The following C6orf118 variants were observed in gnomAD, a reference collection of about 807,000 sequenced individuals.
C6orf118 encodes uncharacterized protein C6orf118.
A neutral mutation model predicts 50.2 loss-of-function variants in C6orf118; 50 were observed. That is an observed-to-expected ratio of 1.00 (90% confidence interval 0.79 to 1.26). C6orf118 has a LOEUF of 1.26. Ranked by LOEUF, C6orf118 falls within the 50% of genes most tolerant of loss-of-function variation. The pLI, the probability that C6orf118 is intolerant of heterozygous loss-of-function variation, is 0.00. For synonymous variants in C6orf118, 239 were observed against 230.9 expected (o/e 1.03, Z -0.32); for missense variants, 641 against 578.7 (o/e 1.11, Z -1.10).
In C6orf118 at chr6:165,298,043, T is replaced by C; in HGVS notation, c.995A>G (p.Asp332Gly). ...GQRPVKTADM[D>G]LAREELRMLV... ...CATCCTCAGCTCTTCCCTGGCGAGATCCATGTCCGCCGTCTTCACCGGCCT... is the reference window on the plus strand; with the variant it reads ...CATCCTCAGCTCTTCCCTGGCGAGACCCATGTCCGCCGTCTTCACCGGCCT... The change falls in exon 5 of 9, where the codon GAT (aspartate) becomes GGT (glycine). Residue 332 changes from aspartate (D) to glycine (G), a missense_variant. Physicochemically the swap from Asp to Gly is moderately conservative, Grantham distance 94. Coordinates refer to ENST00000230301, the MANE Select transcript of C6orf118 (RefSeq NM_144980.4). 6.2e-6 allele frequency: 10 copies of C among 1,613,770 alleles called. No individual in the cohort carries two copies. In the African/African-American group the frequency reaches 6.7e-5, roughly 11 times the overall value.
chr6:165,301,633 T>G lies in C6orf118; in HGVS notation c.689A>C (p.Asp230Ala), dbSNP rs761222032. The change falls in exon 2 of 9, where the codon GAT becomes GCT. Residue 230 changes from aspartate (D) to alanine (A), a missense_variant. Transcript: ENST00000230301. ...CCCAGTGAAGTCATTCTTCAGGAGA[T>G]CTTGCTTGGCGAGCACTTCCTTCTG... ...RFQKEVLAKQ[D>A]LLKNDFTGSK... The G allele has an allele frequency of 7.4e-6, 12 of 1,614,110 alleles. No homozygotes were observed. The highest frequency in any genetic ancestry group is 1.3e-5 in the African/African-American group (1 of 75,032).
At chr6:165,298,180 G>A (rs886635576) in intron 4 of C6orf118, 79 bp from the exon 5 acceptor site, 35 of 1,476,004 alleles carry the variant, frequency 2.4e-5, no homozygotes, top group Non-Finnish European at 3.0e-5. Context: ...TGTCATTAAT[G>A]CGTTTTCAAG....
chr6:165,282,523 T>C (rs1473145723), intron 7 of C6orf118, among the ~76,000 whole-genome samples: 2 of 152,100 alleles, frequency 1.3e-5, no homozygotes, highest in African/African-American at 4.8e-5. Flanking sequence ...TTCATTTCTG[T>C]ACTTCAAAAA....
At chr6:165,300,286 T>C (rs569322140) in intron 3 of C6orf118, 78 bp downstream of exon 3, 1 of 1,538,276 alleles carries the variant, frequency 6.5e-7, no homozygotes, top group East Asian at 2.3e-5. Flanking sequence ...AGAATTTCAG[T>C]GCGGCTTGAG....
At chr6:165,293,087 C>T (rs73788320) in intron 6 of C6orf118, 29,817 of 271,918 alleles carry the variant, frequency 0.11, 3,110 homozygotes, top group African/African-American at 0.33. Flanking sequence ...AAATTGTATA[C>T]ATTCAAAATA....
intron 6 of C6orf118, among the ~76,000 whole-genome samples, chr6:165,292,363 C>A (rs879861801): frequency 6.6e-6 from 1 of 152,058 alleles, no homozygotes; most frequent in African/African-American, 2.4e-5. Flanking sequence ...TTTGTTCCAT[C>A]GCAATGAAAG....
intron 3 of C6orf118, among the ~76,000 whole-genome samples, chr6:165,300,025 A>C (rs1780459571): frequency 6.6e-6 from 1 of 152,362 alleles, no homozygotes; most frequent in South Asian, 2.1e-4. Context: ...ATAATTCCAT[A>C]AGGATTCAAA....
chr6:165,302,716 A>G (rs1780606332), intron 1 of C6orf118, among the ~76,000 whole-genome samples: 1 of 152,120 alleles, frequency 6.6e-6, no homozygotes, highest in African/African-American at 2.4e-5. Flanking sequence ...TTTGGGGGGT[A>G]TTCTCACTTA....
At position 165,309,555 on chromosome 6, in the gene C6orf118, C is replaced by T. The variant is rs748589386; in HGVS notation, c.25+7G>A. 1.9e-6 allele frequency: 3 copies of T among 1,614,224 alleles called. No homozygotes were observed. The highest frequency in any genetic ancestry group is 2.5e-6 in the Non-Finnish European group (3 of 1,180,036). On this transcript the variant is annotated splice_region_variant and intron_variant, in intron 1 of 8. Coordinates refer to ENST00000230301, the MANE Select transcript of C6orf118 (RefSeq NM_144980.4). ...CAAGCCAGCAAGAGCCGCTCCAGGC[C>T]ACTTACATTCAGGCTCCCGCTCCTC...
intron 7 of C6orf118, 64 bp from the exon 8 acceptor site, chr6:165,281,757 C>T: frequency 9.5e-7 from 1 of 1,048,494 alleles, no homozygotes; most frequent in Non-Finnish European, 1.3e-6. Flanking sequence ...TTATTTTTCT[C>T]TATTTAACAA....
chr6:165,303,010 A>G (rs1384734895), intron 1 of C6orf118, among the ~76,000 whole-genome samples: 1 of 152,236 alleles, frequency 6.6e-6, no homozygotes, highest in Non-Finnish European at 1.5e-5. Flanking sequence ...CACTTCAGAT[A>G]GAACAAGAGC....
chr6:165,287,806 T>A (rs540782757), intron 7 of C6orf118, among the ~76,000 whole-genome samples: 3 of 152,172 alleles, frequency 2.0e-5, no homozygotes, highest in South Asian at 2.1e-4. Context: ...AATGCTTACA[T>A]GTAAAACCCA....
rs572972095 is a variant in C6orf118 at position 165,281,645 on chromosome 6, T to C, written c.1351A>G (p.Ile451Val). The change falls in exon 8 of 9, where the codon ATA becomes GTA. Residue 451 changes from isoleucine (I) to valine (V), a missense_variant. Physicochemically the swap from Ile to Val is conservative, Grantham distance 29. Transcript: ENST00000230301. ...ETENMILKKK[I>V]KGPLEIYQGI... ...GATTCACACAAAAAACTTACTTTTA[T>C]TTTCTTCTTTAAAATCATATTTTCT... 1 of 1,494,394 alleles carries C rather than the reference T, an allele frequency of 6.7e-7. No homozygotes were observed. Among genetic ancestry groups the C allele is most frequent in the East Asian group, 2.6e-5 (1 of 38,800 alleles). 92.6% of individuals were successfully genotyped at this position (1,494,394 alleles called of 1,614,324 possible).
chr6:165,284,728 C>T (rs981070762), intron 7 of C6orf118, among the ~76,000 whole-genome samples: 14 of 152,056 alleles, frequency 9.2e-5, no homozygotes, highest in African/African-American at 3.4e-4. Context: ...CCAAAATAAG[C>T]TTCATAAGCA....
intron 7 of C6orf118, among the ~76,000 whole-genome samples, chr6:165,286,293 C>T (rs904153134): frequency 6.6e-6 from 1 of 152,012 alleles, no homozygotes; most frequent in African/African-American, 2.4e-5. Context: ...AAATAGTCCA[C>T]AAATTTTTTT....
At chr6:165,302,906 C>G (rs1363203023) in intron 1 of C6orf118, among the ~76,000 whole-genome samples, 1 of 152,210 alleles carries the variant, frequency 6.6e-6, no homozygotes, top group Non-Finnish European at 1.5e-5. Flanking sequence ...GGTGGAACCA[C>G]TTTTGGCAAA....
chr6:165,306,535 C>CAAAAAAAA, intron 1 of C6orf118, among the ~76,000 whole-genome samples: 1 of 39,686 alleles, frequency 2.5e-5, no homozygotes, highest in Non-Finnish European at 5.0e-5. Flanking sequence ...TAGGTGAATG[C>CAAAAAAAA]AAAAAAAAAA....
At chr6:165,289,741 G>T in intron 7 of C6orf118, 145 bp downstream of exon 7, 26 of 455,110 alleles carry the variant, frequency 5.7e-5, no homozygotes, top group South Asian at 3.9e-4. Flanking sequence ...ATGATTATTT[G>T]CTACAAACAT....
Position 165,298,031 on chromosome 6 carries a change from T to C in C6orf118, c.1007A>G (p.Glu336Gly). 1 of 1,613,938 alleles carries C rather than the reference T, an allele frequency of 6.2e-7. No homozygotes were observed. The highest frequency in any genetic ancestry group is 1.1e-5 in the South Asian group (1 of 91,082). Residue 336 changes from glutamate (E) to glycine (G), a missense_variant, in exon 5 of 9, where the codon GAA becomes GGA. Glu to Gly is a moderately conservative substitution (Grantham distance 98). Coordinates refer to ENST00000230301, the MANE Select transcript of C6orf118 (RefSeq NM_144980.4). ...VKTADMDLAREELRMLVTATK... is the reference protein window; with the variant it reads ...VKTADMDLARGELRMLVTATK... ...GGCTGTCACGAGCATCCTCAGCTCT[T>C]CCCTGGCGAGATCCATGTCCGCCGT...
Sources: allele counts gnomAD v4.1 joint callset (sites outside exome capture counted in the v4.1 genomes callset), GRCh38; gene constraint gnomAD v4.1.1; transcripts MANE v1.5; gene names NCBI Gene and HGNC (gene_info 2026-07-23, HGNC 2026-07-21).